The following HEATR4 variants were observed in gnomAD, a reference collection of about 807,000 sequenced individuals.
HEATR4 encodes the protein HEAT repeat-containing protein 4.
A neutral mutation model predicts 108.8 loss-of-function variants in HEATR4; 95 were observed. That is an observed-to-expected ratio of 0.87 (90% CI 0.74 to 1.04). HEATR4 has a LOEUF of 1.04. HEATR4 is among the 50% of genes least tolerant of loss of function. The probability of loss-of-function intolerance (pLI) is 0.00; values close to 1 mark genes in which losing one functional copy is unlikely to be tolerated. For missense variants in HEATR4, 1,152 were observed against 1,253.8 expected (o/e 0.92, Z 1.23); for synonymous variants, 443 against 459.4 (o/e 0.96, Z 0.46).
the HEATR4 span, among the ~76,000 whole-genome samples, chr14:73,605,235 A>T: frequency 3.6e-4 from 55 of 152,304 alleles, no homozygotes; most frequent in Non-Finnish European, 5.7e-4. Context: ...TTTTAAAAAA[A>T]GTCCTTTTAA....
chr14:73,630,407 C>T, the HEATR4 span, among the ~76,000 whole-genome samples: 3 of 152,200 alleles, frequency 2.0e-5, no homozygotes, highest in Admixed American at 6.6e-5. Context: ...GCAACGTTCT[C>T]GCAACGTATT....
intron 15 of HEATR4, 94 bp downstream of exon 15, chr14:73,496,507 A>C: frequency 1.4e-6 from 1 of 740,418 alleles, no homozygotes; most frequent in Middle Eastern, 2.4e-4. Flanking sequence ...CTATGGTGGG[A>C]AAAAGGGTAT....
At position 73,506,453 on chromosome 14, in the gene HEATR4, A is replaced by C. The variant is rs1886827720; in HGVS notation, c.1986+14T>G. 4 of 1,603,968 alleles carry C rather than the reference A, an allele frequency of 2.5e-6. No homozygotes were observed. Among genetic ancestry groups the C allele is most frequent in the South Asian group, 1.1e-5 (1 of 90,904 alleles). On this transcript the variant is annotated intron_variant, in intron 10 of 17. Coordinates refer to ENST00000553558, the MANE Select transcript of HEATR4 (RefSeq NM_001220484.1). ...CTTAGGCTTTCTGTCCTGGAGGCAA[A>C]GAAAGAGGTTTACCAAGCAGACATT...
intron 5 of HEATR4, among the ~76,000 whole-genome samples, chr14:73,516,849 TG>T (rs1279780375): frequency 5.3e-5 from 8 of 152,208 alleles, no homozygotes; most frequent in African/African-American, 1.9e-4. Context: ...ATCTAATGCC[TG>T]ATGATCTGAG....
At chr14:73,569,501 C>G in the HEATR4 span, 1 of 1,611,112 alleles carries the variant, frequency 6.2e-7, no homozygotes, top group Middle Eastern at 2.0e-4. Flanking sequence ...CCGTGCGCGG[C>G]CTAGCCCCGG....
the HEATR4 span, chr14:73,568,226 G>A: frequency 2.0e-5 from 3 of 152,050 alleles, no homozygotes; most frequent in African/African-American, 7.2e-5. Flanking sequence ...AGCCTTATTA[G>A]GAGCAGAGGC....
the HEATR4 span, chr14:73,613,040 G>A: frequency 1.3e-6 from 1 of 774,356 alleles, no homozygotes; most frequent in Non-Finnish European, 1.9e-6. Context: ...TGAGTAGTCT[G>A]CCCAGAATTT....
the HEATR4 span, chr14:73,594,933 G>A: frequency 2.4e-6 from 3 of 1,261,110 alleles, no homozygotes; most frequent in Non-Finnish European, 3.3e-6. Context: ...TCAAACTCCT[G>A]ACCTCAAGTG....
At chr14:73,615,154 A>C in the HEATR4 span, among the ~76,000 whole-genome samples, 1 of 150,632 alleles carries the variant, frequency 6.6e-6, no homozygotes, top group Non-Finnish European at 1.5e-5. Context: ...TTGGGAGGCC[A>C]AGGTGGGTGG....
At chr14:73,493,814 G>C (rs957326019) in intron 16 of HEATR4, among the ~76,000 whole-genome samples, 4 of 152,260 alleles carry the variant, frequency 2.6e-5, no homozygotes, top group South Asian at 2.1e-4. Flanking sequence ...TTCCAGCCTG[G>C]GCAACAGAGC....
the HEATR4 span, chr14:73,631,417 T>A: frequency 6.6e-6 from 1 of 152,506 alleles, no homozygotes; most frequent in East Asian, 1.9e-4. Flanking sequence ...CCTGAGTAGC[T>A]AGGACAACAG....
chr14:73,569,620 C>T, the HEATR4 span: 6 of 1,600,498 alleles, frequency 3.7e-6, 1 homozygote, highest in Non-Finnish European at 4.3e-6. Context: ...CTGGAGCGCG[C>T]GCCCGCGCTG....
At chr14:73,591,349 A>G in the HEATR4 span, among the ~76,000 whole-genome samples, 419 of 152,164 alleles carry the variant, frequency 2.8e-3, no homozygotes, top group Non-Finnish European at 5.0e-3. Context: ...GGAGTTCAAG[A>G]CCAGCCTGGC....
At chr14:73,583,334 G>T in the HEATR4 span, among the ~76,000 whole-genome samples, 2 of 133,824 alleles carry the variant, frequency 1.5e-5, no homozygotes, top group Admixed American at 1.6e-4. Flanking sequence ...AGGTGACAGA[G>T]TGAGACTCCG....
In HEATR4 at chr14:73,522,932, G is replaced by A; in HGVS notation, c.221C>T (p.Ser74Phe). Reference protein sequence around the residue: ...LKMAAANLTFSQEVVWQRGLP... With the variant: ...LKMAAANLTFFQEVVWQRGLP... ...GCCTCGCTGCCACACCACCTCCTGA[G>A]AGAAGGTAAGGTTTGCAGCAGCCAT... Residue 74 changes from serine to phenylalanine, a missense_variant, in exon 3 of 18, where the codon TCT (serine) becomes TTT (phenylalanine). Physicochemically the swap from Ser to Phe is radical, Grantham distance 155. Transcript: ENST00000553558. 6.2e-7 allele frequency: 1 copy of A among 1,614,234 alleles called. No homozygotes were observed. The highest frequency in any genetic ancestry group is 1.6e-4 in the Middle Eastern group (1 of 6,062).
At chr14:73,497,499 C>T (rs1886176289) in intron 14 of HEATR4, among the ~76,000 whole-genome samples, 1 of 152,146 alleles carries the variant, frequency 6.6e-6, no homozygotes, top group African/African-American at 2.4e-5. Context: ...GTTTAAATAC[C>T]TTACACGGGC....
At chr14:73,540,829 A>C (rs11623174) in intron 1 of HEATR4, among the ~76,000 whole-genome samples, 12,984 of 68,026 alleles carry the variant, frequency 0.19, 1,175 homozygotes, top group African/African-American at 0.38. Context: ...GCAACCTCCA[A>C]CTCCCGGGTT....
chr14:73,529,327 C>G (rs1384546729), intron 2 of HEATR4: 2 of 139,802 alleles, frequency 1.4e-5, no homozygotes, highest in East Asian at 4.2e-4. Context: ...TGCACTCCAG[C>G]CTGGGCAACA....
At chr14:73,581,091 ACCAGGTAATT>A in the HEATR4 span, 1 of 150,842 alleles carries the variant, frequency 6.6e-6, no homozygotes, top group South Asian at 2.1e-4. Context: ...CAGGTAATTA[ACCAGGTAATT>A]CCAGGTAATT....
Sources: allele counts gnomAD v4.1 joint callset (sites outside exome capture counted in the v4.1 genomes callset), GRCh38; gene constraint gnomAD v4.1.1; transcripts MANE v1.5; gene names NCBI Gene and HGNC (gene_info 2026-07-23, HGNC 2026-07-21).